The following NETO2 variants were observed in gnomAD, a reference collection of about 807,000 sequenced individuals.
NETO2 encodes the protein neuropilin and tolloid-like protein 2.
Under a neutral mutation model 62.5 loss-of-function variants are expected in NETO2, and 28 were observed. The observed-to-expected ratio is 0.45, with a 90% confidence interval of 0.33 to 0.61. The LOEUF (loss-of-function observed/expected upper bound fraction) is 0.61. Among genes scored for constraint, NETO2 ranks in the 20% least tolerant of loss-of-function variants. The pLI is 0.02. For missense variants in NETO2, 548 were observed against 643.2 expected (o/e 0.85, Z 1.60); for synonymous variants, 214 against 219.1 (o/e 0.98, Z 0.21).
chr16:47,115,475 C>T (rs1012187884), intron 6 of NETO2, among the ~76,000 whole-genome samples: 2 of 150,758 alleles, frequency 1.3e-5, no homozygotes, highest in Non-Finnish European at 3.0e-5. Context: ...TTAAATGGTA[C>T]TGTTTTCTTA....
chr16:47,133,347 G>A (rs1051949309), intron 1 of NETO2, among the ~76,000 whole-genome samples: 9 of 151,476 alleles, frequency 5.9e-5, no homozygotes, highest in Non-Finnish European at 8.8e-5. Context: ...AGGCTGAGGC[G>A]AGAGGATTGC....
intron 1 of NETO2, among the ~76,000 whole-genome samples, chr16:47,134,519 C>A (rs1214968665): frequency 6.6e-6 from 1 of 152,104 alleles, no homozygotes; most frequent in East Asian, 1.9e-4. Flanking sequence ...ATAACCCAAC[C>A]ATTTGTGTCA....
chr16:47,109,384 A>C, intron 7 of NETO2, 99 bp downstream of exon 7: 1 of 612,622 alleles, frequency 1.6e-6, no homozygotes, highest in Non-Finnish European at 2.5e-6. Context: ...AAAAAAAAAC[A>C]TCCTAAAATA....
chr16:47,095,703 T>C (rs528822378), intron 7 of NETO2, among the ~76,000 whole-genome samples: 2 of 152,298 alleles, frequency 1.3e-5, no homozygotes, highest in South Asian at 2.1e-4. Context: ...TAGACACTTG[T>C]ACAATAGTAA....
intron 7 of NETO2, 36 bp from the exon 8 acceptor site, chr16:47,086,375 C>T (rs200881259): frequency 5.4e-5 from 73 of 1,362,412 alleles, no homozygotes; most frequent in Non-Finnish European, 7.5e-5. Flanking sequence ...AAAGAGCAGG[C>T]AGACCACCTG....
chr16:47,141,124 A>C (rs890683045), intron 1 of NETO2, among the ~76,000 whole-genome samples: 2 of 152,256 alleles, frequency 1.3e-5, no homozygotes, highest in African/African-American at 4.8e-5. Flanking sequence ...TGAAAGTAAA[A>C]CAAGAATAAT....
intron 7 of NETO2, among the ~76,000 whole-genome samples, chr16:47,090,719 T>C (rs1320829758): frequency 6.6e-6 from 1 of 152,226 alleles, no homozygotes; most frequent in Non-Finnish European, 1.5e-5. Context: ...AACAAAAATA[T>C]CTGCTGCTGC....
chr16:47,136,398 C>T (rs1252484203), intron 1 of NETO2, among the ~76,000 whole-genome samples: 1 of 151,880 alleles, frequency 6.6e-6, no homozygotes, highest in Non-Finnish European at 1.5e-5. Flanking sequence ...TATATATATC[C>T]AAGAATTAAT....
At chr16:47,092,671 G>T (rs1021689925) in intron 7 of NETO2, among the ~76,000 whole-genome samples, 2 of 152,132 alleles carry the variant, frequency 1.3e-5, no homozygotes, top group African/African-American at 2.4e-5. Context: ...TTGACACAGT[G>T]AAACAGCCTC....
chr16:47,124,075 C>T (rs1294840917), intron 4 of NETO2, among the ~76,000 whole-genome samples: 1 of 152,034 alleles, frequency 6.6e-6, no homozygotes. Context: ...GTTTTTAATT[C>T]CAGATACTTT....
At chr16:47,132,141 C>A in intron 1 of NETO2, 116 bp from the exon 2 acceptor site, 1 of 772,502 alleles carries the variant, frequency 1.3e-6, no homozygotes, top group East Asian at 2.8e-5. Flanking sequence ...ATTTATTACT[C>A]AAAATTCACT....
intron 2 of NETO2, 66 bp from the exon 3 acceptor site, chr16:47,129,430 A>C (rs1304353622): frequency 6.5e-6 from 10 of 1,533,972 alleles, no homozygotes; most frequent in Non-Finnish European, 9.0e-6. Context: ...TCTTTCCCCC[A>C]CCACTTTCCA....
intron 7 of NETO2, among the ~76,000 whole-genome samples, chr16:47,099,272 G>C (rs529218095): frequency 5.9e-5 from 9 of 152,284 alleles, no homozygotes; most frequent in Non-Finnish European, 8.8e-5. Flanking sequence ...AAGAGACTCT[G>C]TCACCACCAG....
intron 8 of NETO2, among the ~76,000 whole-genome samples, chr16:47,084,543 T>C (rs1354854991): frequency 6.6e-6 from 1 of 152,224 alleles, no homozygotes; most frequent in African/African-American, 2.4e-5. Context: ...AGCCCTATTA[T>C]GGATAACAAT....
chr16:47,089,622 TG>T (rs1963271344), intron 7 of NETO2, among the ~76,000 whole-genome samples: 1 of 152,226 alleles, frequency 6.6e-6, no homozygotes, highest in Non-Finnish European at 1.5e-5. Flanking sequence ...ATAACATTGA[TG>T]GTTCCAAGGC....
chr16:47,106,100 C>G (rs1289020256), intron 7 of NETO2, among the ~76,000 whole-genome samples: 2 of 152,100 alleles, frequency 1.3e-5, no homozygotes, highest in African/African-American at 4.8e-5. Flanking sequence ...AATTCTGATA[C>G]ATATGACCAC....
chr16:47,129,337 A>G lies in NETO2; in HGVS notation c.119T>C (p.Ile40Thr). 9 of 1,614,038 alleles carry G rather than the reference A, an allele frequency of 5.6e-6. No individual in the cohort carries two copies. The highest frequency in any genetic ancestry group is 6.8e-6 in the Non-Finnish European group (8 of 1,179,950). ...CCAAATGCCACACTGGGTTGCAGGA[A>G]TATGCTTGATTCCAATATTTTGTCC... ...QDGQNIGIKH[I>T]PATQCGIWVR... The change falls in exon 3 of 9, where the codon ATT becomes ACT. Residue 40 changes from isoleucine to threonine, a missense_variant. Physicochemically the swap from Ile to Thr is moderately conservative, Grantham distance 89. Transcript: ENST00000562435.
chr16:47,112,992 C>T (rs2143915608), intron 6 of NETO2, among the ~76,000 whole-genome samples: 1 of 152,192 alleles, frequency 6.6e-6, no homozygotes, highest in Admixed American at 6.5e-5. Context: ...ACTATGTATC[C>T]ATTCTCCTAT....
intron 6 of NETO2, among the ~76,000 whole-genome samples, chr16:47,110,952 T>A (rs1218463540): frequency 6.6e-6 from 1 of 152,212 alleles, no homozygotes; most frequent in Non-Finnish European, 1.5e-5. Context: ...GGTGGAAAAT[T>A]GGTAATGAAA....
Sources: gnomAD v4.1 joint callset for allele counts (sites outside exome capture counted in the v4.1 genomes callset) on GRCh38, gnomAD v4.1.1 for gene constraint, MANE v1.5 for transcripts, NCBI Gene and HGNC (gene_info 2026-07-23, HGNC 2026-07-21) for gene names.